The following ADAMTS2 variants were observed in gnomAD, a reference collection of about 807,000 sequenced individuals.
ADAMTS2 encodes the protein ADAM metallopeptidase with thrombospondin type 1 motif 2.
ADAMTS2 carries 50 observed loss-of-function variants against 123.0 expected under a neutral mutation model. The ratio of observed to expected loss-of-function variants is 0.41; its 90% CI spans 0.32 to 0.51. ADAMTS2 has a LOEUF of 0.51. ADAMTS2 is among the 20% of genes least tolerant of loss of function. ADAMTS2 has a pLI of 0.35. For missense variants in ADAMTS2, 1,494 were observed against 1,705.2 expected (o/e 0.88, Z 2.18); for synonymous variants, 678 against 695.4 (o/e 0.98, Z 0.39).
chr5:179,264,119 G>C (rs939392002), intron 3 of ADAMTS2, among the ~76,000 whole-genome samples: 1 of 152,106 alleles, frequency 6.6e-6, no homozygotes, highest in African/African-American at 2.4e-5. Flanking sequence ...CCCTTCAGAT[G>C]TCCCTACAGC....
chr5:179,233,024 C>T (rs1214290824), intron 3 of ADAMTS2, among the ~76,000 whole-genome samples: 3 of 152,182 alleles, frequency 2.0e-5, no homozygotes, highest in Non-Finnish European at 4.4e-5. Context: ...GGCGTTCACC[C>T]TTCAAACTCA....
chr5:179,315,189 G>C (rs1756954067), intron 2 of ADAMTS2, among the ~76,000 whole-genome samples: 1 of 152,078 alleles, frequency 6.6e-6, no homozygotes, highest in Non-Finnish European at 1.5e-5. Context: ...ACCCCAGAGG[G>C]CTCCTCCCAA....
chr5:179,171,667 C>CT (rs1490649610), intron 5 of ADAMTS2, among the ~76,000 whole-genome samples: 1 of 152,136 alleles, frequency 6.6e-6, no homozygotes, highest in Non-Finnish European at 1.5e-5. Flanking sequence ...TGTGCTTGAT[C>CT]TGGGAGGCTT....
intron 5 of ADAMTS2, among the ~76,000 whole-genome samples, chr5:179,161,478 C>T (rs1019055963): frequency 2.6e-5 from 4 of 152,146 alleles, no homozygotes; most frequent in Non-Finnish European, 4.4e-5. Flanking sequence ...CTCACTCATA[C>T]GTGGAAGCTA....
chr5:179,237,860 T>G (rs1765565778), intron 3 of ADAMTS2, among the ~76,000 whole-genome samples: 1 of 152,032 alleles, frequency 6.6e-6, no homozygotes, highest in African/African-American at 2.4e-5. Context: ...GCAAGGTGCT[T>G]GAGAAAGGAA....
chr5:179,221,319 C>T (rs1199617918), intron 3 of ADAMTS2, among the ~76,000 whole-genome samples: 2 of 152,192 alleles, frequency 1.3e-5, no homozygotes, highest in Admixed American at 6.5e-5. Flanking sequence ...CCCCGCATCC[C>T]GAGCTTCCAA....
intron 4 of ADAMTS2, among the ~76,000 whole-genome samples, chr5:179,204,188 G>A (rs1461471129): frequency 6.6e-6 from 1 of 152,156 alleles, no homozygotes; most frequent in Non-Finnish European, 1.5e-5. Context: ...CCAGGAGTCG[G>A]GGGGAGGGGA....
At chr5:179,318,429 G>A (rs187319422) in intron 2 of ADAMTS2, among the ~76,000 whole-genome samples, 4 of 151,942 alleles carry the variant, frequency 2.6e-5, no homozygotes, top group East Asian at 2.0e-4. Context: ...CGGGCGGGGC[G>A]GGGACAGCCA....
Position 179,272,827 on chromosome 5 carries a change from C to T in ADAMTS2, c.688+84G>A. On this transcript the variant is annotated intron_variant, in intron 3 of 21. Transcript: ENST00000251582. This position sits in a 1 kb window ranked among gnomAD's most constrained non-coding sequence, Gnocchi z 5.8. ...AGCAGCCAAGCTGGTCTGTGGAGAG[C>T]TGCCTGAGTCTCTGGGATGCTCCCC... 3.9e-6 allele frequency: 6 copies of T among 1,524,308 alleles called. No homozygotes were observed. The highest frequency in any genetic ancestry group is 2.3e-4 in the Middle Eastern group (1 of 4,256). The allele number at this position is 1,524,308 out of a possible 1,614,324, so 94.4% of individuals were successfully genotyped here.
Position 179,256,268 on chromosome 5 carries a change from G to A in ADAMTS2, c.688+16643C>T, listed in dbSNP as rs1053627759. ...TGTCATCTTGTGACCCGCCCCTGGG[G>A]ACACGGGTGCCCAACAGGAAAGAGG... On this transcript the variant is annotated intron_variant, in intron 3 of 21. Coordinates refer to ENST00000251582, the MANE Select transcript of ADAMTS2 (RefSeq NM_014244.5). This position sits in a 1 kb window ranked among gnomAD's most constrained non-coding sequence, Gnocchi z 4.1. 2.0e-5 allele frequency among the ~76,000 whole-genome samples: 3 copies of A among 152,306 alleles called. No homozygotes were observed. Among genetic ancestry groups the A allele is most frequent in the East Asian group, 1.9e-4 (1 of 5,168 alleles).
intron 2 of ADAMTS2, among the ~76,000 whole-genome samples, chr5:179,301,900 T>G (rs970510466): frequency 6.6e-6 from 1 of 152,206 alleles, no homozygotes; most frequent in Non-Finnish European, 1.5e-5. Flanking sequence ...CACAGCGTGC[T>G]GTGCCCGGGA....
intron 4 of ADAMTS2, among the ~76,000 whole-genome samples, chr5:179,182,993 C>A (rs947757497): frequency 2.6e-5 from 4 of 152,168 alleles, no homozygotes; most frequent in African/African-American, 9.7e-5. Context: ...GATTGCAGTC[C>A]CCCCATCACA....
chr5:179,127,664 T>G (rs946527544), intron 17 of ADAMTS2, among the ~76,000 whole-genome samples: 1 of 151,986 alleles, frequency 6.6e-6, no homozygotes, highest in Non-Finnish European at 1.5e-5. Flanking sequence ...TTCTGAGGTG[T>G]CCACACATCA....
chr5:179,225,293 G>A lies in ADAMTS2; in HGVS notation c.689-17578C>T, dbSNP rs1388388582. Among the ~76,000 whole-genome samples the A allele has an allele frequency of 1.3e-5, 2 of 152,186 alleles. No homozygotes were observed. The highest frequency in any genetic ancestry group is 2.9e-5 in the Non-Finnish European group (2 of 68,040). The stretch of plus-strand genomic sequence containing the variant: ...TTACAAATCAACAGGAAACAATCCA[G>A]CAATCCAAAAGGGAAATGGACAAAC... On this transcript the variant is annotated intron_variant, in intron 3 of 21. Coordinates refer to ENST00000251582, the MANE Select transcript of ADAMTS2 (RefSeq NM_014244.5). The surrounding 1 kb of genome is among the most constrained non-coding windows in gnomAD (Gnocchi z 4.5).
chr5:179,224,227 C>T (rs573362779), intron 3 of ADAMTS2, among the ~76,000 whole-genome samples: 2 of 152,130 alleles, frequency 1.3e-5, no homozygotes, highest in East Asian at 1.9e-4. Flanking sequence ...GGTGGGTGCA[C>T]GCTACCACCG....
intron 3 of ADAMTS2, among the ~76,000 whole-genome samples, chr5:179,269,083 G>A (rs1174718741): frequency 6.6e-6 from 1 of 152,172 alleles, no homozygotes; most frequent in African/African-American, 2.4e-5. Flanking sequence ...GAAGCACAGG[G>A]ACACGTCAGA....
chr5:179,342,656 C>A (rs1390966413), intron 2 of ADAMTS2, among the ~76,000 whole-genome samples: 1 of 152,234 alleles, frequency 6.6e-6, no homozygotes, highest in Admixed American at 6.5e-5. Context: ...GGCAGGAGTT[C>A]CCTGAGTAGC....
At chr5:179,203,978 G>A (rs1764622559) in intron 4 of ADAMTS2, among the ~76,000 whole-genome samples, 1 of 152,164 alleles carries the variant, frequency 6.6e-6, no homozygotes, top group Admixed American at 6.5e-5. Context: ...AACAAAATGT[G>A]GCCGATCCAC....
In ADAMTS2 at chr5:179,129,899, C is replaced by G; in HGVS notation, c.2457+33G>C. The stretch of plus-strand genomic sequence containing the variant: ...ATCCCTCCCCCAGTGGCCACCCGCA[C>G]CCTTCCCTGGGCCCAGCCCTGCTTG... On this transcript the variant is annotated intron_variant, in intron 16 of 21. Transcript: ENST00000251582. This position sits in a 1 kb window ranked among gnomAD's most constrained non-coding sequence, Gnocchi z 4.1. The G allele has an allele frequency of 1.2e-6, 2 of 1,612,942 alleles. No individual in the cohort carries two copies. Among genetic ancestry groups the G allele is most frequent in the Non-Finnish European group, 1.7e-6 (2 of 1,179,906 alleles).
Sources: gnomAD v4.1 joint callset for allele counts (sites outside exome capture counted in the v4.1 genomes callset) on GRCh38, gnomAD v4.1.1 for gene constraint, Gnocchi (gnomAD v3.1) non-coding constraint, MANE v1.5 for transcripts, NCBI Gene and HGNC (gene_info 2026-07-23, HGNC 2026-07-21) for gene names.